Variants in SWAP70 observed in about 807,000 individuals in gnomAD.
The protein encoded by SWAP70 is switching B cell complex subunit SWAP70, also known as switch-associated protein 70.
Under a neutral mutation model 80.2 loss-of-function variants are expected in SWAP70, and 34 were observed. The observed-to-expected ratio is 0.42, with a 90% CI of 0.32 to 0.56. The LOEUF (loss-of-function observed/expected upper bound fraction) is 0.56, where lower values mean the gene tolerates loss of function less well. SWAP70 is among the 20% of genes least tolerant of loss of function. The pLI, the probability that SWAP70 is intolerant of heterozygous loss-of-function variation, is 0.09. For synonymous variants in SWAP70, 239 were observed against 238.5 expected (o/e 1.00, Z -0.02); for missense variants, 578 against 690.7 (o/e 0.84, Z 1.83).
Position 9,738,289 on chromosome 11 carries a change from G to C in SWAP70, c.1157G>C (p.Arg386Thr). The C allele has an allele frequency of 6.2e-7, 1 of 1,609,962 alleles. No individual in the cohort carries two copies. The highest frequency in any genetic ancestry group is 1.1e-5 in the South Asian group (1 of 90,408). ...CAGACTCAAGTGGAACTTCAGGCCA[G>C]GTTCAGCACAGAGCTGGAAAGAGAG... ...RLQTQVELQA[R>T]FSTELEREKL... Residue 386 changes from arginine to threonine, a missense_variant, in exon 8 of 12, where the codon AGG (arginine) becomes ACG (threonine). Arg to Thr is a moderately conservative substitution (Grantham distance 71). Transcript: ENST00000318950.
chr11:9,682,501 T>G (rs1850579862), intron 1 of SWAP70, among the ~76,000 whole-genome samples: 1 of 152,178 alleles, frequency 6.6e-6, no homozygotes, highest in South Asian at 2.1e-4. Flanking sequence ...CAGAGCTTAC[T>G]GGAGAGGTTA....
chr11:9,673,942 C>G (rs1002135684), intron 1 of SWAP70, among the ~76,000 whole-genome samples: 11 of 152,260 alleles, frequency 7.2e-5, no homozygotes, highest in African/African-American at 2.2e-4. Flanking sequence ...CTCTGTCGCC[C>G]AGGCTGGAGT....
chr11:9,733,733 C>T (rs951504522), intron 7 of SWAP70, among the ~76,000 whole-genome samples: 3 of 152,152 alleles, frequency 2.0e-5, no homozygotes, highest in African/African-American at 7.2e-5. Flanking sequence ...ACGCTGAGCA[C>T]CTGCCGTATG....
chr11:9,748,227 A>G (rs1281206809), intron 10 of SWAP70, among the ~76,000 whole-genome samples, 171 bp downstream of exon 10: 1 of 152,254 alleles, frequency 6.6e-6, no homozygotes, highest in Non-Finnish European at 1.5e-5. Flanking sequence ...TTATACATCC[A>G]TCAGAGACAG....
Position 9,725,861 on chromosome 11 carries a change from C to T in SWAP70, c.642+976C>T, listed in dbSNP as rs551498680. Among the ~76,000 whole-genome samples the T allele has an allele frequency of 8.9e-5, 9 of 101,090 alleles. No homozygotes were observed. In the East Asian group the frequency reaches 9.6e-4, roughly 11 times the overall value. 66.3% of individuals were successfully genotyped at this position (101,090 alleles called of 152,430 possible). On this transcript the variant is annotated intron_variant, in intron 4 of 11. Coordinates refer to ENST00000318950, the MANE Select transcript of SWAP70 (RefSeq NM_015055.4). ...TTGGCATTACAGGCGTGAACCGCCG[C>T]GCCCAGGCCATTTCCAAAATATTTT...
At position 9,674,983 on chromosome 11, in the gene SWAP70, A is replaced by T. The variant is rs915253209; in HGVS notation, c.99+10705A>T. Among the ~76,000 whole-genome samples, 431 of 149,514 alleles carry T rather than the reference A, an allele frequency of 2.9e-3. 2 individuals are homozygous for T. Among genetic ancestry groups the T allele is most frequent in the Admixed American group, 3.6e-3 (54 of 15,028 alleles). On this transcript the variant is annotated intron_variant, in intron 1 of 11. Coordinates refer to ENST00000318950, the MANE Select transcript of SWAP70 (RefSeq NM_015055.4). ...GACTCCGTCTCAAAAAAAAAAAAAA[A>T]ATTTTAAATTTAAAAAATAGAAGCC...
intron 1 of SWAP70, among the ~76,000 whole-genome samples, chr11:9,682,436 T>A (rs896505862): frequency 6.6e-6 from 1 of 152,236 alleles, no homozygotes; most frequent in African/African-American, 2.4e-5. Context: ...TTGGATCTTT[T>A]GGACGTGAGG....
chr11:9,720,298 G>C, intron 3 of SWAP70: 1 of 985,412 alleles, frequency 1.0e-6, no homozygotes, highest in African/African-American at 1.7e-5. Flanking sequence ...GATCGAAGCT[G>C]GGTGCTAATG....
Position 9,729,332 on chromosome 11 carries a change from T to C in SWAP70, c.790-11T>C, listed in dbSNP as rs760990462. 5 of 1,575,018 alleles carry C rather than the reference T, an allele frequency of 3.2e-6. No individual in the cohort carries two copies. In the Admixed American group the frequency reaches 9.5e-5, roughly 30 times the overall value. On this transcript the variant is annotated splice_polypyrimidine_tract_variant and intron_variant, in intron 5 of 11. Transcript: ENST00000318950. ...AAAATTTTGAGGAACTAATTTTGCT[T>C]TCTGTTTTAGTCCTTGCCTGACAAA...
chr11:9,749,379 T>C (rs1481597229), intron 11 of SWAP70, among the ~76,000 whole-genome samples, 196 bp downstream of exon 11: 1 of 152,106 alleles, frequency 6.6e-6, no homozygotes, highest in East Asian at 1.9e-4. Flanking sequence ...CCCAAGTAGC[T>C]GGGACTACAG....
chr11:9,745,186 G>A (rs543839468), intron 9 of SWAP70, among the ~76,000 whole-genome samples: 4 of 152,208 alleles, frequency 2.6e-5, no homozygotes, highest in Admixed American at 6.5e-5. Context: ...ATGAGGCCAC[G>A]GTTTGATTCC....
In SWAP70 at chr11:9,752,202, A is replaced by G. The variant is rs1388759053; in HGVS notation, c.*2232A>G. The G allele has an allele frequency of 1.3e-5, 2 of 152,250 alleles. No homozygotes were observed. The highest frequency in any genetic ancestry group is 2.4e-5 in the African/African-American group (1 of 41,468). The allele number at this position is 152,250 out of a possible 1,614,324, so 9.4% of individuals were successfully genotyped here. A position where few individuals can be genotyped will look rare whatever the true frequency, so the allele number is the denominator to read the frequency against. On this transcript the variant is annotated 3_prime_UTR_variant, in exon 12 of 12. Transcript: ENST00000318950. ...AATTTCTACTTCTAGAAGTTGTGAA[A>G]TAGGTCCTGCACTTTTGCAGAATGT... is the stretch of plus-strand genomic sequence containing the variant.
chr11:9,704,612 C>T (rs990999888), intron 2 of SWAP70, among the ~76,000 whole-genome samples: 2 of 152,072 alleles, frequency 1.3e-5, no homozygotes, highest in Non-Finnish European at 2.9e-5. Flanking sequence ...AGGCTGGTCT[C>T]GGACTCCTGG....
At chr11:9,693,788 G>A (rs1475174362) in intron 1 of SWAP70, among the ~76,000 whole-genome samples, 1 of 152,088 alleles carries the variant, frequency 6.6e-6, no homozygotes, top group Non-Finnish European at 1.5e-5. Context: ...TCTACTTGGT[G>A]AAAAGTTTAA....
chr11:9,699,890 A>G, intron 2 of SWAP70, among the ~76,000 whole-genome samples: 1 of 147,004 alleles, frequency 6.8e-6, no homozygotes, highest in South Asian at 2.1e-4. Context: ...ATATATATAT[A>G]GTCTCTAGAT....
chr11:9,712,499 G>T (rs76945486), intron 2 of SWAP70, among the ~76,000 whole-genome samples: 1 of 151,964 alleles, frequency 6.6e-6, no homozygotes, highest in South Asian at 2.1e-4. Context: ...TTTGAGACCA[G>T]CCTGGGCAAT....
intron 8 of SWAP70, among the ~76,000 whole-genome samples, chr11:9,739,052 T>C (rs1026081225): frequency 6.6e-6 from 1 of 152,164 alleles, no homozygotes; most frequent in Middle Eastern, 3.2e-3. Context: ...GGTTCCATGG[T>C]ATATCTCCTC....
intron 1 of SWAP70, among the ~76,000 whole-genome samples, chr11:9,693,918 G>A (rs369674421): frequency 3.3e-5 from 5 of 152,234 alleles, no homozygotes; most frequent in African/African-American, 9.6e-5. Context: ...CTGGCTCATA[G>A]TAGGCATGTA....
intron 2 of SWAP70, among the ~76,000 whole-genome samples, chr11:9,701,176 C>CTT (rs879529806): frequency 2.1e-5 from 3 of 144,418 alleles, no homozygotes; most frequent in Non-Finnish European, 1.5e-5. Context: ...CAAATGTTAA[C>CTT]TTTTTTTTTT....
Sources: allele counts gnomAD v4.1 joint callset (sites outside exome capture counted in the v4.1 genomes callset), GRCh38; gene constraint gnomAD v4.1.1; transcripts MANE v1.5; gene names NCBI Gene and HGNC (gene_info 2026-07-23, HGNC 2026-07-21).